TUBB8: variants seen among roughly 807,000 people sequenced by gnomAD.
The protein encoded by TUBB8 is tubulin beta 8 class VIII.
Under a neutral mutation model 33.7 loss-of-function variants are expected in TUBB8, and 25 were observed. The ratio of observed to expected loss-of-function variants is 0.74; its 90% CI spans 0.54 to 1.04. The LOEUF is 1.04. Among genes scored for constraint, TUBB8 ranks in the 50% least tolerant of loss-of-function variants. The pLI is 0.00. For synonymous variants in TUBB8, 245 were observed against 240.1 expected, an observed-to-expected ratio of 1.02 and a Z score of -0.19; for missense variants, 279 against 608.0, an observed-to-expected ratio of 0.46 and a Z score of 5.69.
rs1588269343 is a variant in TUBB8 at position 46,971 on chromosome 10, A to G, written c.*86T>C. The G allele has an allele frequency of 8.3e-6, 5 of 603,126 alleles. No individual in the cohort carries two copies. The East Asian group carries it at 1.4e-4, about 17-fold the overall frequency. The allele number at this position is 603,126 out of a possible 1,614,324, so 37.4% of individuals were successfully genotyped here. A position where few individuals can be genotyped will look rare whatever the true frequency, so the allele number is the denominator to read the frequency against. On this transcript the variant is annotated 3_prime_UTR_variant, in exon 4 of 4. Coordinates refer to ENST00000568584, the MANE Select transcript of TUBB8 (RefSeq NM_177987.3). ...CGCAGCAGGAGATGTGAAGACACAA[A>G]TTAACAAGCGTATAGTGACACATGG...
chr10:73,351 G>A (rs1482186619), intron 1 of TUBB8, among the ~76,000 whole-genome samples: 2 of 152,146 alleles, frequency 1.3e-5, no homozygotes, highest in African/African-American at 4.8e-5. Context: ...CTGAAAACAC[G>A]GAGCACTGAC....
upstream of TUBB8, among the ~76,000 whole-genome samples, chr10:52,838 T>C (rs1174750785): frequency 5.3e-5 from 8 of 152,242 alleles, no homozygotes; most frequent in African/African-American, 1.4e-4. Context: ...GCTACTCATA[T>C]TAAGATAGAG....
Position 49,241 on chromosome 10 carries a change from C to G in TUBB8, c.-3G>C. ...TGCGTGAGCACGATCTCCCTCATGG[C>G]CAAGGCGGGATTAGGACGGCAGGAG... On this transcript the variant is annotated 5_prime_UTR_variant, in exon 1 of 4. Coordinates refer to ENST00000568584, the MANE Select transcript of TUBB8 (RefSeq NM_177987.3). 1 of 1,583,460 alleles carries G rather than the reference C, an allele frequency of 6.3e-7. No individual in the cohort carries two copies. Among genetic ancestry groups the G allele is most frequent in the South Asian group, 1.1e-5 (1 of 86,974 alleles).
upstream of TUBB8, among the ~76,000 whole-genome samples, chr10:54,102 A>G (rs1834501525): frequency 6.6e-6 from 1 of 152,098 alleles, no homozygotes; most frequent in African/African-American, 2.4e-5. Context: ...TACCATAATC[A>G]CCCTGTTCTG....
At chr10:57,868 C>G (rs139360352) in intron 1 of TUBB8, among the ~76,000 whole-genome samples, 3 of 152,066 alleles carry the variant, frequency 2.0e-5, no homozygotes, top group Non-Finnish European at 1.5e-5. Context: ...ACAGCCTGCT[C>G]AAGTTCCTCT....
At chr10:49,297 G>T (rs186208482), upstream of TUBB8, 7 of 1,524,900 alleles carry the variant, frequency 4.6e-6, no homozygotes, top group African/African-American at 5.5e-5. Context: ...GACGCGCAGC[G>T]ACCCAGCCCG....
chr10:51,313 C>T (rs377412947), upstream of TUBB8, among the ~76,000 whole-genome samples: 168 of 147,870 alleles, frequency 1.1e-3, no homozygotes, highest in African/African-American at 3.7e-3. Context: ...TTCACCATGT[C>T]GGCCAGGCTG....
chr10:48,599 C>G lies in TUBB8; in HGVS notation c.277+16G>C. 2 of 1,608,170 alleles carry G rather than the reference C, an allele frequency of 1.2e-6. No homozygotes were observed. Among genetic ancestry groups the G allele is most frequent in the Non-Finnish European group, 1.7e-6 (2 of 1,175,768 alleles). On this transcript the variant is annotated intron_variant, in intron 3 of 3. Transcript: ENST00000568584. Reference sequence around the variant, plus strand: ...CTGGCTAAGGAGCCGCACCCCAGTCCTCGCCCGCAGCTCACCGAAGATGAA... The same window carrying G: ...CTGGCTAAGGAGCCGCACCCCAGTCGTCGCCCGCAGCTCACCGAAGATGAA...
intron 1 of TUBB8, among the ~76,000 whole-genome samples, chr10:73,175 C>A (rs1272582269): frequency 3.3e-5 from 5 of 152,248 alleles, no homozygotes; most frequent in Non-Finnish European, 7.3e-5. Flanking sequence ...GAGTTCACTT[C>A]CATTAGACGC....
At chr10:75,805 T>C (rs566398111), upstream of TUBB8, among the ~76,000 whole-genome samples, 404 of 152,212 alleles carry the variant, frequency 2.7e-3, 1 homozygote, top group Non-Finnish European at 4.7e-3. Flanking sequence ...TTTTCCATTT[T>C]CCTGCGTTGT....
chr10:61,795 A>G (rs1834605406), intron 1 of TUBB8, among the ~76,000 whole-genome samples: 1 of 152,180 alleles, frequency 6.6e-6, no homozygotes, highest in African/African-American at 2.4e-5. Context: ...GTGCATATAT[A>G]TTTCCAATTA....
At chr10:73,016 T>C (rs1258148463) in intron 1 of TUBB8, among the ~76,000 whole-genome samples, 2 of 152,220 alleles carry the variant, frequency 1.3e-5, no homozygotes, top group Admixed American at 6.5e-5. Context: ...CAATTAATTT[T>C]ATGGTATCAT....
intron 1 of TUBB8, among the ~76,000 whole-genome samples, chr10:54,370 C>A (rs1254800473): frequency 2.6e-5 from 4 of 151,426 alleles, no homozygotes; most frequent in African/African-American, 7.3e-5. Flanking sequence ...ATGACAGACT[C>A]TCATTCTTTC....
At chr10:59,901 A>C (rs1316505211) in intron 1 of TUBB8, among the ~76,000 whole-genome samples, 4 of 152,070 alleles carry the variant, frequency 2.6e-5, no homozygotes, top group African/African-American at 9.7e-5. Context: ...AGGTTTTCTA[A>C]TTTGTTGGCA....
chr10:48,167 G>A (rs782686668), intron 3 of TUBB8, 53 bp from the exon 4 acceptor site: 3 of 1,113,584 alleles, frequency 2.7e-6, no homozygotes, highest in Admixed American at 1.9e-5. Context: ...GTCATCAGTG[G>A]TCACCACCAT....
At chr10:49,557 T>C, upstream of TUBB8, 1 of 581,286 alleles carries the variant, frequency 1.7e-6, no homozygotes, top group Non-Finnish European at 3.2e-6. Context: ...TGAATTTTCC[T>C]CCCATGTGGG....
chr10:49,465 C>T, upstream of TUBB8: 1 of 678,716 alleles, frequency 1.5e-6, no homozygotes, highest in Admixed American at 2.1e-5. Flanking sequence ...TTGCGTGGTC[C>T]TTTCCACGTT....
At chr10:61,358 A>C (rs1435510412) in intron 1 of TUBB8, among the ~76,000 whole-genome samples, 7 of 152,166 alleles carry the variant, frequency 4.6e-5, no homozygotes, top group Non-Finnish European at 8.8e-5. Context: ...TAACATTTTT[A>C]TTGACCTACT....
chr10:51,964 G>T (rs1834474152), upstream of TUBB8, among the ~76,000 whole-genome samples: 1 of 152,198 alleles, frequency 6.6e-6, no homozygotes, highest in Non-Finnish European at 1.5e-5. Flanking sequence ...GCAAAACGGA[G>T]GCGGTGAGCA....
Sources: gnomAD v4.1 joint callset for allele counts (sites outside exome capture counted in the v4.1 genomes callset) on GRCh38, gnomAD v4.1.1 for gene constraint, MANE v1.5 for transcripts, NCBI Gene and HGNC (gene_info 2026-07-23, HGNC 2026-07-21) for gene names.